The following ACP7 variants were observed in gnomAD, a reference collection of about 807,000 sequenced individuals.
ACP7 encodes acid phosphatase 7, tartrate resistant (putative).
A neutral mutation model predicts 60.6 loss-of-function variants in ACP7; 58 were observed. The ratio of observed to expected loss-of-function variants is 0.96; its 90% CI spans 0.77 to 1.19. ACP7 has a LOEUF of 1.19. Among genes scored for constraint, ACP7 ranks in the 50% most tolerant of loss-of-function variants. The pLI, the probability that ACP7 is intolerant of heterozygous loss-of-function variation, is 0.00. For synonymous variants in ACP7, 237 were observed against 232.6 expected, an observed-to-expected ratio of 1.02 and a Z score of -0.17; for missense variants, 574 against 596.2, an observed-to-expected ratio of 0.96 and a Z score of 0.39.
chr19:39,100,782 G>T lies in ACP7; in HGVS notation c.736G>T (p.Val246Phe), dbSNP rs2073332060. 4 of 1,614,010 alleles carry T rather than the reference G, an allele frequency of 2.5e-6. No homozygotes were observed. The highest frequency in any genetic ancestry group is 3.4e-6 in the Non-Finnish European group (4 of 1,180,000). Reference sequence around the variant, plus strand: ...CCACATCATCTCCTTCTCCACCGAGGTCTATTTCTTTCTCCATTATGGCCG... The same window carrying T: ...CCACATCATCTCCTTCTCCACCGAGTTCTATTTCTTTCTCCATTATGGCCG... Reference protein sequence around the residue: ...PAHIISFSTEVYFFLHYGRHL... With the variant: ...PAHIISFSTEFYFFLHYGRHL... Residue 246 changes from valine to phenylalanine, a missense_variant, in exon 7 of 13, where the codon GTC (valine) becomes TTC (phenylalanine). Transcript: ENST00000331256.
intron 12 of ACP7, among the ~76,000 whole-genome samples, chr19:39,108,602 C>T (rs1379495542): frequency 6.6e-6 from 1 of 151,422 alleles, no homozygotes; most frequent in African/African-American, 2.4e-5. Context: ...CATTGTGAGG[C>T]AGGGGAAGAT....
At chr19:39,097,326 C>T (rs986544474) in intron 2 of ACP7, among the ~76,000 whole-genome samples, 2 of 151,498 alleles carry the variant, frequency 1.3e-5, no homozygotes, top group Non-Finnish European at 2.9e-5. Flanking sequence ...CAGAGCCAAA[C>T]CATCTCACCG....
chr19:39,084,703 G>A (rs953736393), intron 1 of ACP7, among the ~76,000 whole-genome samples: 1 of 151,954 alleles, frequency 6.6e-6, no homozygotes, highest in Non-Finnish European at 1.5e-5. Context: ...TTGGAATCTC[G>A]GGAGTAGGTA....
rs557979158 is a variant in ACP7 at position 39,110,415 on chromosome 19, G to A, written c.*297G>A. The A allele has an allele frequency of 1.7e-5, 6 of 351,308 alleles. No individual in the cohort carries two copies. Among genetic ancestry groups the A allele is most frequent in the South Asian group, 1.0e-4 (2 of 19,074 alleles). The allele number at this position is 351,308 out of a possible 1,614,324, so 21.8% of individuals were successfully genotyped here. On this transcript the variant is annotated 3_prime_UTR_variant, in exon 13 of 13. Transcript: ENST00000331256. Reference sequence around the variant, plus strand: ...AGCTCTGATCGGGCGAGGTGCCCACGGGGCTTCAGGAATGAAGAGGCTTAA... The same window carrying A: ...AGCTCTGATCGGGCGAGGTGCCCACAGGGCTTCAGGAATGAAGAGGCTTAA...
At position 39,100,424 on chromosome 19, in the gene ACP7, C is replaced by G. The variant is rs192765624; in HGVS notation, c.629+74C>G. On this transcript the variant is annotated intron_variant, in intron 5 of 12. Transcript: ENST00000331256. ...TGGTCTCGTTCTTCTTAGTGTCTCC[C>G]TTGAGTCTCTCATGCTGCAACATTT... 4.4e-6 allele frequency: 7 copies of G among 1,603,594 alleles called. No individual in the cohort carries two copies. The African/African-American group carries it at 9.3e-5, about 21-fold the overall frequency.
intron 11 of ACP7, among the ~76,000 whole-genome samples, chr19:39,106,314 C>T (rs978166614): frequency 4.6e-5 from 7 of 152,128 alleles, no homozygotes; most frequent in African/African-American, 1.2e-4. Flanking sequence ...TGTATCACCC[C>T]GCTTCCCTGC....
In ACP7 at chr19:39,111,054, T is replaced by C. The variant is rs1017182307; in HGVS notation, c.*936T>C. 1 of 152,196 alleles carries C rather than the reference T, an allele frequency of 6.6e-6. No homozygotes were observed. The highest frequency in any genetic ancestry group is 6.6e-5 in the Admixed American group (1 of 15,260). 9.4% of individuals were successfully genotyped at this position (152,196 alleles called of 1,614,324 possible). A position where few individuals can be genotyped will look rare whatever the true frequency, so the allele number is the denominator to read the frequency against. On this transcript the variant is annotated 3_prime_UTR_variant, in exon 13 of 13. Coordinates refer to ENST00000331256, the MANE Select transcript of ACP7 (RefSeq NM_001004318.3). ...CTCACTGAGAGGGCAACATTTGATC[T>C]GAAGGAGGTGGGGAAGGAGCCAAGT...
intron 11 of ACP7, among the ~76,000 whole-genome samples, chr19:39,105,547 A>C (rs2073402198): frequency 6.6e-6 from 1 of 151,726 alleles, no homozygotes; most frequent in Non-Finnish European, 1.5e-5. Context: ...TTGAGTTAGG[A>C]TCTCACTCTG....
chr19:39,104,759 C>T (rs2073393699), intron 11 of ACP7, among the ~76,000 whole-genome samples: 1 of 151,940 alleles, frequency 6.6e-6, no homozygotes, highest in East Asian at 2.0e-4. Context: ...GTGGTGGGCA[C>T]CTGTAATCCC....
At chr19:39,092,378 A>G (rs929726832) in intron 2 of ACP7, among the ~76,000 whole-genome samples, 78 of 150,884 alleles carry the variant, frequency 5.2e-4, no homozygotes, top group South Asian at 1.9e-3. Context: ...CTGTATATAT[A>G]TATATATATA....
At chr19:39,109,910 A>G in intron 12 of ACP7, 143 bp from the exon 13 acceptor site, 3 of 733,692 alleles carry the variant, frequency 4.1e-6, no homozygotes, top group Non-Finnish European at 7.1e-6. Context: ...AGATGAGGAA[A>G]ACTGAGGCCC....
At chr19:39,096,613 T>C (rs948884583) in intron 2 of ACP7, among the ~76,000 whole-genome samples, 9 of 152,166 alleles carry the variant, frequency 5.9e-5, no homozygotes, top group Non-Finnish European at 8.8e-5. Flanking sequence ...CTTCCACATT[T>C]TCAGGTATCT....
intron 11 of ACP7, 46 bp downstream of exon 11, chr19:39,101,583 C>A: frequency 6.4e-7 from 1 of 1,565,118 alleles, no homozygotes; most frequent in East Asian, 2.3e-5. Flanking sequence ...CTATTCCTAT[C>A]TATGGAGGGC....
At chr19:39,095,723 C>A (rs1223674863) in intron 2 of ACP7, among the ~76,000 whole-genome samples, 1 of 152,242 alleles carries the variant, frequency 6.6e-6, no homozygotes, top group Non-Finnish European at 1.5e-5. Flanking sequence ...ACTGCCCTAG[C>A]AGAGGTTCTC....
chr19:39,097,423 GCATGGTGA>G (rs2073279355), intron 2 of ACP7, among the ~76,000 whole-genome samples: 1 of 151,656 alleles, frequency 6.6e-6, no homozygotes, highest in Non-Finnish European at 1.5e-5. Flanking sequence ...AATTAGCTGG[GCATGGTGA>G]CATGTGCCTG....
chr19:39,092,771 CT>C (rs67888880), intron 2 of ACP7, among the ~76,000 whole-genome samples: 7,172 of 114,700 alleles, frequency 0.063, 519 homozygotes, highest in African/African-American at 0.2. Flanking sequence ...TCCCATTCCT[CT>C]TTTTTTTTTT....
intron 2 of ACP7, among the ~76,000 whole-genome samples, chr19:39,092,089 C>T (rs764043837): frequency 6.6e-6 from 1 of 151,530 alleles, no homozygotes; most frequent in East Asian, 1.9e-4. Flanking sequence ...CTAGTGTATA[C>T]ATAAAGCATG....
In ACP7 at chr19:39,100,869, GC is replaced by G. The variant is rs764467431; in HGVS notation, c.807+20del. On this transcript the variant is annotated intron_variant, in intron 7 of 12. Coordinates refer to ENST00000331256, the MANE Select transcript of ACP7 (RefSeq NM_001004318.3). ...CGACCTCCAGGTAACCTGGGTGGAG[GC>G]CCCTATAGTCCCCTGGCCAGCCCCA... The G allele has an allele frequency of 8.1e-6, 13 of 1,611,970 alleles. No homozygotes were observed. The African/African-American group carries it at 1.7e-4, about 22-fold the overall frequency.
At chr19:39,102,394 C>T (rs1387707063) in intron 11 of ACP7, among the ~76,000 whole-genome samples, 55 of 114,340 alleles carry the variant, frequency 4.8e-4, no homozygotes, top group African/African-American at 1.4e-3. Flanking sequence ...TTTTTTTTTT[C>T]GAGACGGAGT....
Sources: allele counts gnomAD v4.1 joint callset (sites outside exome capture counted in the v4.1 genomes callset), GRCh38; gene constraint gnomAD v4.1.1; transcripts MANE v1.5; gene names NCBI Gene and HGNC (gene_info 2026-07-23, HGNC 2026-07-21).